DOCK4: variants seen among roughly 807,000 people sequenced by gnomAD.
DOCK4 encodes the protein dedicator of cytokinesis protein 4.
In DOCK4, 97 loss-of-function variants were observed where a neutral mutation model predicts 268.1. The observed-to-expected ratio is 0.36, with a 90% CI of 0.31 to 0.43. The LOEUF (loss-of-function observed/expected upper bound fraction) is 0.43, where lower values mean the gene tolerates loss of function less well. DOCK4 is among the 20% of genes least tolerant of loss of function. DOCK4 has a pLI of 1.00. For missense variants in DOCK4, 2,145 were observed against 2,455.7 expected, an observed-to-expected ratio of 0.87 and a Z score of 2.67; for synonymous variants, 954 against 887.2, an observed-to-expected ratio of 1.08 and a Z score of -1.34.
intron 1 of DOCK4, among the ~76,000 whole-genome samples, chr7:112,158,161 G>A (rs1270210893): frequency 1.3e-5 from 2 of 152,104 alleles, no homozygotes; most frequent in East Asian, 3.9e-4. Flanking sequence ...TGGCTGAGCT[G>A]CACCTCCACA....
intron 25 of DOCK4, among the ~76,000 whole-genome samples, chr7:111,837,105 T>C (rs368764126): frequency 9.9e-5 from 15 of 151,620 alleles, no homozygotes; most frequent in African/African-American, 3.6e-4. Context: ...TTATAGCCAG[T>C]GGTAGAGAAA....
chr7:112,014,804 T>C (rs1801670367), intron 1 of DOCK4, among the ~76,000 whole-genome samples: 2 of 151,588 alleles, frequency 1.3e-5, no homozygotes, highest in African/African-American at 4.8e-5. Context: ...ATTCAAGAGG[T>C]TGAGGTAGAA....
intron 1 of DOCK4, among the ~76,000 whole-genome samples, chr7:112,023,988 T>C (rs1332496902): frequency 1.3e-5 from 2 of 152,242 alleles, no homozygotes; most frequent in African/African-American, 2.4e-5. Flanking sequence ...TGCTGTTCAA[T>C]GCGTGTCCTT....
Position 112,004,243 on chromosome 7 carries a change from G to A in DOCK4, c.38-112C>T, listed in dbSNP as rs111281051. 8.5e-5 allele frequency: 64 copies of A among 755,256 alleles called. 1 individual carries two copies. In the African/African-American group the frequency reaches 1.0e-3, roughly 12 times the overall value. 46.8% of individuals were successfully genotyped at this position (755,256 alleles called of 1,614,324 possible). A position where few individuals can be genotyped will look rare whatever the true frequency, so the allele number is the denominator to read the frequency against. The stretch of plus-strand genomic sequence containing the variant: ...AAATAGGAAGTATAATTTGATAGCT[G>A]GAACCCTCTGTCATATTTTAATTTT... On this transcript the variant is annotated intron_variant, in intron 1 of 52. Transcript: ENST00000428084.
chr7:112,088,680 G>T (rs1254445783), intron 1 of DOCK4, among the ~76,000 whole-genome samples: 1 of 151,984 alleles, frequency 6.6e-6, no homozygotes, highest in Non-Finnish European at 1.5e-5. Context: ...GTTTCCTATC[G>T]GGCAGGATTG....
At chr7:111,915,971 T>C in intron 12 of DOCK4, 67 bp from the exon 13 acceptor site, 3 of 1,525,042 alleles carry the variant, frequency 2.0e-6, no homozygotes, top group Admixed American at 2.1e-5. Flanking sequence ...AACTGATGTG[T>C]TGCAACAAGC....
intron 23 of DOCK4, among the ~76,000 whole-genome samples, chr7:111,853,464 T>C (rs554282197): frequency 1.3e-5 from 2 of 152,202 alleles, no homozygotes. Flanking sequence ...GATGGGCCTC[T>C]GTGATCAAAG....
At chr7:112,011,432 A>G (rs1353213800) in intron 1 of DOCK4, among the ~76,000 whole-genome samples, 1 of 152,224 alleles carries the variant, frequency 6.6e-6, no homozygotes, top group Non-Finnish European at 1.5e-5. Flanking sequence ...AAGAAAAAAT[A>G]ACATGATTGC....
At chr7:111,758,835 A>C in intron 40 of DOCK4, 45 bp from the exon 41 acceptor site, 5 of 1,596,826 alleles carry the variant, frequency 3.1e-6, no homozygotes, top group Non-Finnish European at 4.3e-6. Flanking sequence ...GGCAAACTCC[A>C]TGGAAGTCTG....
At chr7:111,778,080 T>C (rs745739011) in intron 36 of DOCK4, among the ~76,000 whole-genome samples, 196 bp downstream of exon 36, 35 of 152,242 alleles carry the variant, frequency 2.3e-4, no homozygotes, top group Non-Finnish European at 4.7e-4. Flanking sequence ...CAAAGAGAAA[T>C]AGTCAAACAA....
intron 1 of DOCK4, among the ~76,000 whole-genome samples, chr7:112,101,021 G>A (rs181703224): frequency 1.3e-5 from 2 of 152,296 alleles, no homozygotes; most frequent in East Asian, 3.9e-4. Flanking sequence ...TTCATCTATT[G>A]TAAGAGTCTC....
At chr7:111,740,018 T>C in intron 47 of DOCK4, 1 of 340,556 alleles carries the variant, frequency 2.9e-6, no homozygotes, top group Admixed American at 4.0e-5. Context: ...TACATTTTTC[T>C]TGTATAAAAA....
chr7:111,852,946 G>A (rs546466724), intron 23 of DOCK4, among the ~76,000 whole-genome samples: 73 of 152,280 alleles, frequency 4.8e-4, no homozygotes, highest in African/African-American at 1.6e-3. Flanking sequence ...AGAATCTGCC[G>A]TGCAGGTTCT....
chr7:111,824,382 A>G (rs1360356862), intron 26 of DOCK4, among the ~76,000 whole-genome samples: 2 of 152,120 alleles, frequency 1.3e-5, no homozygotes, highest in East Asian at 1.9e-4. Flanking sequence ...TCAGTTTCCT[A>G]TCTTGGTGCA....
chr7:111,943,798 T>C (rs78289156), intron 10 of DOCK4, among the ~76,000 whole-genome samples: 14,472 of 152,188 alleles, frequency 0.095, 947 homozygotes, highest in East Asian at 0.36. Flanking sequence ...TAGATTTTTA[T>C]GAGAAAAAAC....
intron 6 of DOCK4, among the ~76,000 whole-genome samples, chr7:111,987,744 G>C (rs548567441): frequency 2.0e-5 from 3 of 152,168 alleles, no homozygotes; most frequent in Admixed American, 6.5e-5. Flanking sequence ...ACATGAAGAG[G>C]GTTAAGGAAT....
intron 8 of DOCK4, among the ~76,000 whole-genome samples, chr7:111,969,450 A>C (rs1433476839): frequency 2.0e-5 from 3 of 151,522 alleles, no homozygotes; most frequent in Admixed American, 6.6e-5. Context: ...ACAAAAAAAC[A>C]AAAAAACAGT....
intron 1 of DOCK4, among the ~76,000 whole-genome samples, chr7:112,047,785 T>C (rs1352523597): frequency 6.6e-6 from 1 of 152,174 alleles, no homozygotes; most frequent in Middle Eastern, 3.2e-3. Context: ...CTGGAGCCCC[T>C]GGGCTCGAGG....
At chr7:111,814,437 C>T (rs961253800) in intron 27 of DOCK4, among the ~76,000 whole-genome samples, 1 of 152,120 alleles carries the variant, frequency 6.6e-6, no homozygotes, top group African/African-American at 2.4e-5. Context: ...ATTGTCAAAG[C>T]TCCCAAGTGA....
Sources: gnomAD v4.1 joint callset for allele counts (sites outside exome capture counted in the v4.1 genomes callset) on GRCh38, gnomAD v4.1.1 for gene constraint, MANE v1.5 for transcripts, NCBI Gene and HGNC (gene_info 2026-07-23, HGNC 2026-07-21) for gene names.